CLIC5: variants seen among roughly 807,000 people sequenced by gnomAD.
CLIC5 encodes chloride intracellular channel protein 5.
A neutral mutation model predicts 24.7 loss-of-function variants in CLIC5; 20 were observed. That is an observed-to-expected ratio of 0.81 (90% confidence interval 0.57 to 1.18). CLIC5 has a LOEUF of 1.18. Among genes scored for constraint, CLIC5 ranks in the 50% most tolerant of loss-of-function variants. The probability of loss-of-function intolerance (pLI) is 0.00; values close to 1 mark genes in which losing one functional copy is unlikely to be tolerated. For missense variants in CLIC5, 341 were observed against 326.1 expected (o/e 1.05, Z -0.35); for synonymous variants, 159 against 135.6 (o/e 1.17, Z -1.20).
chr6:46,037,920 T>C (rs1406876173), intron 1 of CLIC5, among the ~76,000 whole-genome samples: 1 of 152,092 alleles, frequency 6.6e-6, no homozygotes, highest in African/African-American at 2.4e-5. Context: ...GGGTGGAAGA[T>C]AATACAATTA....
rs533417071 is a variant in CLIC5 at position 45,960,351 on chromosome 6, T to C, written c.64-5107A>G. Among the ~76,000 whole-genome samples the C allele has an allele frequency of 1.1e-4, 17 of 152,330 alleles. 1 individual carries two copies. In the South Asian group the frequency reaches 3.3e-3, roughly 30 times the overall value. On this transcript the variant is annotated intron_variant, in intron 1 of 5. Transcript: ENST00000339561. ...AGTTATCAATTTATTGCCTTTCAGC[T>C]CCAATGCACCCTTGAATATATGCTC...
chr6:45,923,124 C>T (rs934408839), intron 4 of CLIC5, among the ~76,000 whole-genome samples: 7 of 152,132 alleles, frequency 4.6e-5, no homozygotes, highest in Admixed American at 1.3e-4. Context: ...ATAGAAAGTA[C>T]GGCATAAATG....
At chr6:46,076,957 TGAAAACCC>T (rs1762786899) in intron 1 of CLIC5, among the ~76,000 whole-genome samples, 1 of 151,910 alleles carries the variant, frequency 6.6e-6, no homozygotes, top group Non-Finnish European at 1.5e-5. Flanking sequence ...AACAACATAG[TGAAAACCC>T]GTCTCTACTA....
intron 4 of CLIC5, among the ~76,000 whole-genome samples, chr6:45,926,546 G>A (rs1307557857): frequency 2.0e-5 from 3 of 151,842 alleles, no homozygotes; most frequent in Non-Finnish European, 4.4e-5. Flanking sequence ...ATGAGCCACC[G>A]CGCCCGGCCA....
intron 5 of CLIC5, chr6:45,911,764 C>T: frequency 2.0e-6 from 2 of 985,426 alleles, no homozygotes; most frequent in Non-Finnish European, 2.4e-6. Flanking sequence ...TGAACATCGT[C>T]ACTATGCTAG....
rs187632837 is a variant in CLIC5 at position 45,914,565 on chromosome 6, A to G, written c.407-156T>C. 2.7e-5 allele frequency: 34 copies of G among 1,251,482 alleles called. No individual in the cohort carries two copies. In the African/African-American group the frequency reaches 4.7e-4, roughly 17 times the overall value. 77.5% of individuals were successfully genotyped at this position (1,251,482 alleles called of 1,614,324 possible). On this transcript the variant is annotated intron_variant, in intron 4 of 5. Transcript: ENST00000339561. The stretch of plus-strand genomic sequence containing the variant: ...CAGAATACCTGGAAACCATTAACAC[A>G]ATGCAGTAGAAGTGTACTAAATAGG...
the CLIC5 span, among the ~76,000 whole-genome samples, chr6:46,124,405 T>A: frequency 6.6e-6 from 1 of 152,246 alleles, no homozygotes; most frequent in Admixed American, 6.5e-5. Flanking sequence ...ACTGGATCCC[T>A]TCCTTACACC....
the CLIC5 span, among the ~76,000 whole-genome samples, chr6:46,118,156 G>C: frequency 6.6e-6 from 1 of 152,196 alleles, no homozygotes; most frequent in African/African-American, 2.4e-5. Flanking sequence ...GCTGTCTGTA[G>C]CACCTATTTT....
intron 1 of CLIC5, among the ~76,000 whole-genome samples, chr6:46,031,026 C>T (rs1316836131): frequency 1.3e-5 from 2 of 152,136 alleles, no homozygotes; most frequent in Non-Finnish European, 2.9e-5. Flanking sequence ...AGTACTGTTT[C>T]CCTGTACCTA....
At chr6:45,975,232 C>T (rs1015053940) in intron 1 of CLIC5, among the ~76,000 whole-genome samples, 2 of 152,046 alleles carry the variant, frequency 1.3e-5, no homozygotes, top group Non-Finnish European at 2.9e-5. Flanking sequence ...ACTCAGGGGT[C>T]GGCCTGACCT....
upstream of CLIC5, among the ~76,000 whole-genome samples, chr6:46,020,344 C>A (rs977094374): frequency 1.3e-5 from 2 of 152,074 alleles, no homozygotes; most frequent in Non-Finnish European, 2.9e-5. Context: ...AACAAGGAAG[C>A]CTCAAGGATT....
At chr6:46,016,535 T>A (rs1767015842), upstream of CLIC5, among the ~76,000 whole-genome samples, 1 of 152,168 alleles carries the variant, frequency 6.6e-6, no homozygotes, top group South Asian at 2.1e-4. Context: ...CTTCTTTCAT[T>A]TTCTTTCTAT....
chr6:46,052,117 A>T (rs1768120085), intron 1 of CLIC5, among the ~76,000 whole-genome samples: 1 of 111,544 alleles, frequency 9.0e-6, no homozygotes, highest in Non-Finnish European at 1.8e-5. Context: ...AAATGATGAG[A>T]TTTCCCTGAA....
intron 1 of CLIC5, among the ~76,000 whole-genome samples, chr6:46,025,154 G>A (rs557361262): frequency 1.2e-3 from 188 of 151,882 alleles, no homozygotes; most frequent in Admixed American, 3.9e-3. Context: ...TCAACCTCTC[G>A]GAGCCTCAGT....
chr6:46,111,718 A>G, the CLIC5 span, among the ~76,000 whole-genome samples: 1 of 152,226 alleles, frequency 6.6e-6, no homozygotes, highest in Non-Finnish European at 1.5e-5. Context: ...GTAAGGTGAT[A>G]TGGTTTGGCT....
intron 1 of CLIC5, among the ~76,000 whole-genome samples, chr6:45,970,082 C>T (rs953644132): frequency 6.6e-6 from 1 of 152,180 alleles, no homozygotes; most frequent in Non-Finnish European, 1.5e-5. Flanking sequence ...TCCTCCCTCT[C>T]CTCACCCCCA....
chr6:46,012,458 C>T (rs1223240109), intron 1 of CLIC5, among the ~76,000 whole-genome samples: 1 of 152,174 alleles, frequency 6.6e-6, no homozygotes, highest in African/African-American at 2.4e-5. Context: ...TCAGAATGTT[C>T]CCCGAAAGGG....
chr6:45,973,199 T>G (rs1765261975), intron 1 of CLIC5, among the ~76,000 whole-genome samples: 1 of 152,310 alleles, frequency 6.6e-6, no homozygotes, highest in East Asian at 1.9e-4. Context: ...TCTTTGCCTG[T>G]GGGACCAGTC....
downstream of CLIC5, among the ~76,000 whole-genome samples, chr6:45,895,200 C>T (rs533082962): frequency 3.9e-5 from 6 of 152,190 alleles, no homozygotes; most frequent in Admixed American, 1.3e-4. Flanking sequence ...AAGATGCATT[C>T]GTTTAAACCT....
Sources: allele counts gnomAD v4.1 joint callset (sites outside exome capture counted in the v4.1 genomes callset), GRCh38; gene constraint gnomAD v4.1.1; transcripts MANE v1.5; gene names NCBI Gene and HGNC (gene_info 2026-07-23, HGNC 2026-07-21).